Variants in PRR14L observed in about 807,000 individuals in gnomAD.
PRR14L encodes proline rich 14 like.
Under a neutral mutation model 155.0 loss-of-function variants are expected in PRR14L, and 80 were observed. The ratio of observed to expected loss-of-function variants is 0.52; its 90% CI spans 0.43 to 0.62. The LOEUF (loss-of-function observed/expected upper bound fraction) is 0.62. PRR14L is among the 20% of genes least tolerant of loss of function. PRR14L has a pLI of 0.00. For missense variants in PRR14L, 2,469 were observed against 2,548.0 expected (o/e 0.97, Z 0.67); for synonymous variants, 883 against 916.0 (o/e 0.96, Z 0.65).
chr22:31,719,434 AG>A (rs1032276900), intron 3 of PRR14L, among the ~76,000 whole-genome samples: 1 of 150,488 alleles, frequency 6.6e-6, no homozygotes, highest in African/African-American at 2.5e-5. Context: ...AAAAAAAAAA[AG>A]AACAAAAAAT....
At chr22:31,734,664 C>A (rs1343412236) in intron 2 of PRR14L, among the ~76,000 whole-genome samples, 4 of 152,216 alleles carry the variant, frequency 2.6e-5, no homozygotes, top group Admixed American at 2.6e-4. Flanking sequence ...AGGCTTCTCT[C>A]ACGTCTCTTG....
intron 1 of PRR14L, among the ~76,000 whole-genome samples, chr22:31,749,668 G>A (rs2074861267): frequency 6.6e-6 from 1 of 152,242 alleles, no homozygotes; most frequent in African/African-American, 2.4e-5. Flanking sequence ...CGCTAAGAAA[G>A]AGCGTACGCC....
At chr22:31,703,169 C>T (rs2074571724) in intron 6 of PRR14L, among the ~76,000 whole-genome samples, 1 of 152,150 alleles carries the variant, frequency 6.6e-6, no homozygotes, top group African/African-American at 2.4e-5. Context: ...AAGAATTGTA[C>T]ATTCAGTTCA....
chr22:31,737,263 C>T (rs111358836), intron 2 of PRR14L, among the ~76,000 whole-genome samples: 11 of 151,772 alleles, frequency 7.2e-5, no homozygotes, highest in African/African-American at 2.7e-4. Flanking sequence ...GTCGGATCAC[C>T]TGAGGTCAGG....
chr22:31,749,273 TTAA>T (rs1270702054), intron 1 of PRR14L, among the ~76,000 whole-genome samples: 3 of 152,114 alleles, frequency 2.0e-5, no homozygotes, highest in Non-Finnish European at 4.4e-5. Context: ...AGCCATGCTC[TTAA>T]TAATGCAAGG....
At chr22:31,739,538 T>G (rs2074801280) in intron 1 of PRR14L, among the ~76,000 whole-genome samples, 1 of 152,234 alleles carries the variant, frequency 6.6e-6, no homozygotes, top group South Asian at 2.1e-4. Flanking sequence ...ATCCTGCATC[T>G]TTAGATTTTC....
Position 31,716,653 on chromosome 22 carries a change from C to T in PRR14L, c.1186G>A (p.Glu396Lys). The T allele has an allele frequency of 6.4e-7, 1 of 1,552,060 alleles. No homozygotes were observed. The highest frequency in any genetic ancestry group is 1.2e-5 in the South Asian group (1 of 84,052). The change falls in exon 4 of 9, where the codon GAA (glutamate) becomes AAA (lysine). Residue 396 changes from glutamate (E) to lysine (K), a missense_variant. Transcript: ENST00000327423. ...ATCAAAAGCCGTTCCTCATTTTCTT[C>T]TCTAGAAGCCAAGTTCTTCCCTTGA... Reference protein sequence around the residue: ...DDQGKNLASREENEERLLIPR... With the variant: ...DDQGKNLASRKENEERLLIPR...
At chr22:31,738,209 CAA>C (rs2074792836) in intron 2 of PRR14L, among the ~76,000 whole-genome samples, 176 bp downstream of exon 2, 3 of 152,352 alleles carry the variant, frequency 2.0e-5, no homozygotes, top group Admixed American at 1.3e-4. Flanking sequence ...TTCCTCTCTT[CAA>C]GTGTCTGATG....
Position 31,692,400 on chromosome 22 carries a change from C to T in PRR14L, c.6108-4173G>A, listed in dbSNP as rs145912651. ...GGTATTTCACTGTGGTTTTGATTTG[C>T]AGTTCCCTGATGACTCATGATGTCA... On this transcript the variant is annotated intron_variant, in intron 7 of 8. Coordinates refer to ENST00000327423, the MANE Select transcript of PRR14L (RefSeq NM_173566.3). Among the ~76,000 whole-genome samples the T allele has an allele frequency of 7.2e-4, 110 of 152,250 alleles. No individual in the cohort carries two copies. In the East Asian group the frequency reaches 0.013, roughly 18 times the overall value.
chr22:31,742,258 T>C (rs2074816985), intron 1 of PRR14L, among the ~76,000 whole-genome samples: 1 of 152,118 alleles, frequency 6.6e-6, no homozygotes, highest in South Asian at 2.1e-4. Flanking sequence ...CACAGAGATA[T>C]GGGTGTTCTT....
rs1333523338 is a variant in PRR14L at position 31,703,623 on chromosome 22, C to T, written c.5927G>A (p.Arg1976His). The T allele has an allele frequency of 3.7e-6, 6 of 1,613,802 alleles. No homozygotes were observed. Among genetic ancestry groups the T allele is most frequent in the South Asian group, 1.1e-5 (1 of 91,062 alleles). ...LLLSASEFQV[R>H]GLDELDGVKA... is the part of the protein sequence containing the mutation. ...CACACCATCCAGCTCATCCAATCCA[C>T]GAACCTGGAACTCAGAGGCTGAAAG... The change falls in exon 6 of 9, where the codon CGT (arginine) becomes CAT (histidine). Residue 1976 changes from arginine to histidine, a missense_variant. Physicochemically the swap from Arg to His is conservative, Grantham distance 29 (BLOSUM62 0). Transcript: ENST00000327423.
intron 3 of PRR14L, among the ~76,000 whole-genome samples, chr22:31,718,879 G>C (rs1019960941): frequency 3.3e-5 from 5 of 151,548 alleles, no homozygotes; most frequent in African/African-American, 1.2e-4. Context: ...TTCAAGACTA[G>C]CCTGGCCAAC....
chr22:31,738,387 C>T lies in PRR14L; in HGVS notation c.474G>A (p.Gln158=). 2 of 1,550,296 alleles carry T rather than the reference C, an allele frequency of 1.3e-6. No homozygotes were observed. The highest frequency in any genetic ancestry group is 1.7e-6 in the Non-Finnish European group (2 of 1,145,738). The change falls in exon 2 of 9, where the codon CAG becomes CAA. Residue 158 remains glutamine (Q), a splice_region_variant and synonymous_variant. Transcript: ENST00000327423. ...TAAEEKTSPS[Q]EDLLMQSSKE... ...TCGGAATGGAGATTTCATTTCTTACCTGACTCGGGCTAGTCTTTTCTTCAG... is the reference window on the plus strand; with the variant it reads ...TCGGAATGGAGATTTCATTTCTTACTTGACTCGGGCTAGTCTTTTCTTCAG...
At position 31,715,764 on chromosome 22, in the gene PRR14L, G is replaced by C; in HGVS notation, c.2075C>G (p.Pro692Arg). Reference sequence around the variant, plus strand: ...GACATCTGCTCTACCCTCTAATGGAGGGTGATGGCTCTGATGGGCATCTCT... The same window carrying C: ...GACATCTGCTCTACCCTCTAATGGACGGTGATGGCTCTGATGGGCATCTCT... ...TGRDAHQSHH[P>R]PLEGRADVIA... Residue 692 changes from proline (P) to arginine (R), a missense_variant, in exon 4 of 9, where the codon CCT becomes CGT. Around this residue, in one of 2 missense-constraint regions of PRR14L, gnomAD observed 2,363 missense variants for 2,371.6 expected, o/e 1.00. Coordinates refer to ENST00000327423, the MANE Select transcript of PRR14L (RefSeq NM_173566.3). 1 of 1,551,910 alleles carries C rather than the reference G, an allele frequency of 6.4e-7. No homozygotes were observed. Among genetic ancestry groups the C allele is most frequent in the Non-Finnish European group, 8.7e-7 (1 of 1,146,960 alleles).
chr22:31,712,528 C>T lies in PRR14L; in HGVS notation c.5311G>A (p.Gly1771Ser), dbSNP rs535257671. The change falls in exon 4 of 9, where the codon GGT (glycine) becomes AGT (serine). Residue 1771 changes from glycine (G) to serine (S), a missense_variant. By Grantham distance (56) the Gly-to-Ser change is moderately conservative. Transcript: ENST00000327423. ...KWTFSFFLSH[G>S]CPGMATFRED... is the part of the protein sequence containing the mutation. ...CTGAATGTTGCCATCCCAGGGCAAC[C>T]GTGGGACAAGAAGAAAGAAAAGGTC... 49 of 1,551,676 alleles carry T rather than the reference C, an allele frequency of 3.2e-5. No homozygotes were observed. The highest frequency in any genetic ancestry group is 1.6e-4 in the African/African-American group (12 of 73,118).
Position 31,723,059 on chromosome 22 carries a change from C to A in PRR14L, c.547+2479G>T, listed in dbSNP as rs190713296. On this transcript the variant is annotated intron_variant, in intron 3 of 8. Coordinates refer to ENST00000327423, the MANE Select transcript of PRR14L (RefSeq NM_173566.3). ...TGCTATGACTGGCTATGACTTTGGACAGCTGAGCCTGCTTCCTCACATGCA... is the reference window on the plus strand; with the variant it reads ...TGCTATGACTGGCTATGACTTTGGAAAGCTGAGCCTGCTTCCTCACATGCA... 5.8e-3 allele frequency among the ~76,000 whole-genome samples: 878 copies of A among 152,208 alleles called. 12 individuals carry two copies. The highest frequency in any genetic ancestry group is 0.02 in the African/African-American group (824 of 41,534).
At chr22:31,697,233 T>A (rs1211091688) in intron 7 of PRR14L, among the ~76,000 whole-genome samples, 1 of 137,660 alleles carries the variant, frequency 7.3e-6, no homozygotes, top group Non-Finnish European at 1.5e-5. Context: ...ACCCAGGAGG[T>A]GGAGGTTGCA....
chr22:31,696,573 C>A (rs115437734), intron 7 of PRR14L, among the ~76,000 whole-genome samples: 2,210 of 152,306 alleles, frequency 0.015, 55 homozygotes, highest in African/African-American at 0.051. Context: ...ATACCCAGCT[C>A]AATCTCTAAT....
chr22:31,717,054 A>G lies in PRR14L; in HGVS notation c.785T>C (p.Leu262Ser). 1 of 1,551,864 alleles carries G rather than the reference A, an allele frequency of 6.4e-7. No homozygotes were observed. The highest frequency in any genetic ancestry group is 1.2e-5 in the South Asian group (1 of 84,066). Reference protein sequence around the residue: ...PEPLTFVDPVLTEATPKEKEC... With the variant: ...PEPLTFVDPVSTEATPKEKEC... The stretch of plus-strand genomic sequence containing the variant: ...TTTTTCTTTAGGAGTTGCTTCTGTT[A>G]ATACAGGGTCCACAAAGGTTAAAGG... The change falls in exon 4 of 9, where the codon TTA becomes TCA. Residue 262 changes from leucine (L) to serine (S), a missense_variant. By Grantham distance (145) the Leu-to-Ser change is moderately radical. Coordinates refer to ENST00000327423, the MANE Select transcript of PRR14L (RefSeq NM_173566.3).
Sources: allele counts gnomAD v4.1 joint callset (sites outside exome capture counted in the v4.1 genomes callset), GRCh38; gene constraint gnomAD v4.1.1; regional missense constraint gnomAD v4.1.1; transcripts MANE v1.5; gene names NCBI Gene and HGNC (gene_info 2026-07-23, HGNC 2026-07-21).